The following UVRAG variants were observed in gnomAD, a reference collection of about 807,000 sequenced individuals.
UVRAG encodes UV radiation resistance associated, also known as UV radiation resistance-associated gene protein.
Under a neutral mutation model 78.0 loss-of-function variants are expected in UVRAG, and 19 were observed. The ratio of observed to expected loss-of-function variants is 0.24; its 90% CI spans 0.17 to 0.36. The LOEUF (loss-of-function observed/expected upper bound fraction) is 0.36. Ranked by LOEUF, UVRAG falls within the 10% of genes least tolerant of loss-of-function variation. The pLI is 1.00. For missense variants in UVRAG, 740 were observed against 853.8 expected (o/e 0.87, Z 1.66); for synonymous variants, 323 against 324.6 (o/e 1.00, Z 0.05).
At chr11:75,934,319 AAGAAGTATGGTTACC>A (rs1400171780) in intron 6 of UVRAG, among the ~76,000 whole-genome samples, 1 of 152,140 alleles carries the variant, frequency 6.6e-6, no homozygotes, top group African/African-American at 2.4e-5. Context: ...GATAGAGAGC[AAGAAGTATGGTTACC>A]AGAGGCTGGG....
In UVRAG at chr11:76,087,825, C is replaced by G. The variant is rs187603831; in HGVS notation, c.1305+22037C>G. Among the ~76,000 whole-genome samples, 10 of 152,226 alleles carry G rather than the reference C, an allele frequency of 6.6e-5. No individual in the cohort carries two copies. In the East Asian group the frequency reaches 1.3e-3, roughly 21 times the overall value. The stretch of plus-strand genomic sequence containing the variant: ...TGATTGTCAGGACTATCCTCTGAAC[C>G]CTGATACTACTTGGCATTTGTAAGC... On this transcript the variant is annotated intron_variant, in intron 13 of 14. Transcript: ENST00000356136.
intron 13 of UVRAG, among the ~76,000 whole-genome samples, chr11:76,101,043 A>G (rs1313689776): frequency 1.3e-5 from 2 of 152,148 alleles, no homozygotes; most frequent in African/African-American, 4.8e-5. Flanking sequence ...ATGTTATTGC[A>G]GTTATGAACA....
intron 8 of UVRAG, among the ~76,000 whole-genome samples, chr11:76,002,360 A>C (rs942631931): frequency 1.3e-5 from 2 of 152,026 alleles, no homozygotes; most frequent in Non-Finnish European, 2.9e-5. Flanking sequence ...TATTTTTTTT[A>C]ATTTCCTTTC....
intron 6 of UVRAG, among the ~76,000 whole-genome samples, chr11:75,933,992 C>T (rs1224224463): frequency 6.6e-6 from 1 of 152,182 alleles, no homozygotes; most frequent in Non-Finnish European, 1.5e-5. Context: ...GTAGCAATCC[C>T]ACTGCTGGGC....
chr11:76,085,926 C>T (rs1217901420), intron 13 of UVRAG, among the ~76,000 whole-genome samples: 1 of 152,140 alleles, frequency 6.6e-6, no homozygotes, highest in Non-Finnish European at 1.5e-5. Flanking sequence ...ACACCCCATG[C>T]CTGCTGACAC....
rs553685103 is a variant in UVRAG at position 75,946,837 on chromosome 11, G to A, written c.594-14607G>A. ...CTTACCTGGTTAGAGCAGACCTACC[G>A]TCTGTATTAGTCAGCTTAGACTGCC... is the stretch of plus-strand genomic sequence containing the variant. On this transcript the variant is annotated intron_variant, in intron 6 of 14. Coordinates refer to ENST00000356136, the MANE Select transcript of UVRAG (RefSeq NM_003369.4). Among the ~76,000 whole-genome samples the A allele has an allele frequency of 4.6e-5, 7 of 152,262 alleles. No individual in the cohort carries two copies. The South Asian group carries it at 6.2e-4, about 14-fold the overall frequency.
At chr11:76,103,075 C>T (rs1951905623) in intron 13 of UVRAG, among the ~76,000 whole-genome samples, 1 of 152,210 alleles carries the variant, frequency 6.6e-6, no homozygotes, top group South Asian at 2.1e-4. Context: ...ATCCACATTT[C>T]TTCTTACATG....
intron 6 of UVRAG, among the ~76,000 whole-genome samples, chr11:75,932,358 C>T (rs1948260914): frequency 6.6e-6 from 1 of 151,992 alleles, no homozygotes; most frequent in Non-Finnish European, 1.5e-5. Context: ...GATCTTGGCT[C>T]ACTGCAACCT....
At chr11:75,903,603 C>G (rs1372676099) in intron 5 of UVRAG, among the ~76,000 whole-genome samples, 1 of 152,182 alleles carries the variant, frequency 6.6e-6, no homozygotes, top group Non-Finnish European at 1.5e-5. Context: ...TAATCCATCC[C>G]AAATACTGCC....
At chr11:76,084,051 A>G (rs1171718599) in intron 13 of UVRAG, among the ~76,000 whole-genome samples, 1 of 152,182 alleles carries the variant, frequency 6.6e-6, no homozygotes, top group African/African-American at 2.4e-5. Flanking sequence ...GTAACTTTCA[A>G]TGTAGAATGT....
chr11:75,984,461 A>G (rs1453985806), intron 8 of UVRAG, among the ~76,000 whole-genome samples: 1 of 152,216 alleles, frequency 6.6e-6, no homozygotes, highest in Non-Finnish European at 1.5e-5. Context: ...CATGATCAGT[A>G]GGTTAGGTGT....
intron 12 of UVRAG, among the ~76,000 whole-genome samples, chr11:76,055,057 TA>T (rs1950954119): frequency 6.6e-6 from 1 of 152,154 alleles, no homozygotes; most frequent in East Asian, 1.9e-4. Context: ...ATTTTCCACC[TA>T]TAGGAAGCTG....
At position 76,141,322 on chromosome 11, in the gene UVRAG, T is replaced by C; in HGVS notation, c.2009T>C (p.Leu670Pro). The C allele has an allele frequency of 1.2e-6, 2 of 1,614,234 alleles. No homozygotes were observed. Among genetic ancestry groups the C allele is most frequent in the Non-Finnish European group, 8.5e-7 (1 of 1,180,052 alleles). The change falls in exon 15 of 15, where the codon CTG becomes CCG. Residue 670 changes from leucine to proline, a missense_variant. Coordinates refer to ENST00000356136, the MANE Select transcript of UVRAG (RefSeq NM_003369.4). ...GCAGTAGAGTGTGACGAACAAGTTC[T>C]GGGAGAATTTGAAGAGTTCTCCCGA... ...AVAVECDEQV[L>P]GEFEEFSRRI...
At chr11:76,061,102 C>G (rs1319304665) in intron 12 of UVRAG, among the ~76,000 whole-genome samples, 1 of 152,234 alleles carries the variant, frequency 6.6e-6, no homozygotes, top group Non-Finnish European at 1.5e-5. Flanking sequence ...CACTCTGTAT[C>G]TAGCTCAAGG....
intron 14 of UVRAG, among the ~76,000 whole-genome samples, chr11:76,125,681 T>C (rs182135499): frequency 1.3e-5 from 2 of 152,340 alleles, no homozygotes; most frequent in Admixed American, 1.3e-4. Context: ...GAGAGCTCTT[T>C]TCCCATTGTT....
At chr11:75,975,058 A>C (rs1949208132) in intron 7 of UVRAG, among the ~76,000 whole-genome samples, 1 of 152,146 alleles carries the variant, frequency 6.6e-6, no homozygotes, top group South Asian at 2.1e-4. Flanking sequence ...TTTTTGTATA[A>C]GGTGTAAGGA....
chr11:75,919,179 C>T (rs1374780911), intron 6 of UVRAG, among the ~76,000 whole-genome samples: 5 of 152,024 alleles, frequency 3.3e-5, no homozygotes, highest in African/African-American at 9.7e-5. Context: ...TGTTTATCAT[C>T]TTTAAACTAT....
At position 76,128,752 on chromosome 11, in the gene UVRAG, G is replaced by A. The variant is rs150321963; in HGVS notation, c.1398-11959G>A. Reference sequence around the variant, plus strand: ...CCCACCTCTGCCTCCCAAAGTGCTGGGACTGCAGGCATGAGCCACCCCGCC... The same window carrying A: ...CCCACCTCTGCCTCCCAAAGTGCTGAGACTGCAGGCATGAGCCACCCCGCC... On this transcript the variant is annotated intron_variant, in intron 14 of 14. Coordinates refer to ENST00000356136, the MANE Select transcript of UVRAG (RefSeq NM_003369.4). Among the ~76,000 whole-genome samples, 279 of 152,250 alleles carry A rather than the reference G, an allele frequency of 1.8e-3. 6 individuals carry two copies. The East Asian group carries it at 0.038, about 21-fold the overall frequency.
At chr11:76,014,377 C>T (rs1001374542) in intron 11 of UVRAG, among the ~76,000 whole-genome samples, 18 of 152,120 alleles carry the variant, frequency 1.2e-4, no homozygotes, top group Non-Finnish European at 1.5e-5. Context: ...TCTGTCAGGT[C>T]ATATAGGAAA....
Sources: gnomAD v4.1 joint callset for allele counts (sites outside exome capture counted in the v4.1 genomes callset) on GRCh38, gnomAD v4.1.1 for gene constraint, MANE v1.5 for transcripts, NCBI Gene and HGNC (gene_info 2026-07-23, HGNC 2026-07-21) for gene names.